Variants in MBD5 observed in about 807,000 individuals in gnomAD.
MBD5 encodes methyl-CpG-binding domain protein 5.
A neutral mutation model predicts 117.3 loss-of-function variants in MBD5; 13 were observed. The ratio of observed to expected loss-of-function variants is 0.11; its 90% CI spans 0.07 to 0.18. The LOEUF is 0.18. Among genes scored for constraint, MBD5 ranks in the 10% least tolerant of loss-of-function variants. MBD5 has a pLI of 1.00. For missense variants in MBD5, 1,879 were observed against 2,093.8 expected (o/e 0.90, Z 2.00); for synonymous variants, 727 against 766.4 (o/e 0.95, Z 0.85).
At chr2:148,033,610 C>A (rs1239912988) in intron 1 of MBD5, among the ~76,000 whole-genome samples, 1 of 152,042 alleles carries the variant, frequency 6.6e-6, no homozygotes, top group Non-Finnish European at 1.5e-5. Context: ...GATTAAGCAA[C>A]TTTTATTAAG....
At chr2:148,315,578 C>T (rs1471513864) in intron 3 of MBD5, among the ~76,000 whole-genome samples, 1 of 152,144 alleles carries the variant, frequency 6.6e-6, no homozygotes, top group Non-Finnish European at 1.5e-5. Flanking sequence ...ATACAGAATA[C>T]ATTTTAGGTG....
chr2:148,056,445 T>A (rs570385362), intron 1 of MBD5, among the ~76,000 whole-genome samples: 2 of 152,234 alleles, frequency 1.3e-5, no homozygotes, highest in Admixed American at 1.3e-4. Flanking sequence ...CTTTAATTAT[T>A]ACTCTTTTTT....
intron 1 of MBD5, among the ~76,000 whole-genome samples, chr2:148,032,254 CGGAACTTATATCTAAAGATA>C (rs1478199957): frequency 1.3e-5 from 2 of 151,914 alleles, no homozygotes; most frequent in Admixed American, 1.3e-4. Flanking sequence ...CTTGATCTCC[CGGAACTTATATCTAAAGATA>C]GAAAAGGATA....
In MBD5 at chr2:148,468,810, T is replaced by C. The variant is rs1680681352; in HGVS notation, c.867T>C (p.Cys289=). 6.2e-7 allele frequency: 1 copy of C among 1,613,892 alleles called. No individual in the cohort carries two copies. Among genetic ancestry groups the C allele is most frequent in the Non-Finnish European group, 8.5e-7 (1 of 1,179,858 alleles). Residue 289 remains cysteine (C), a synonymous_variant, in exon 8 of 14, where the codon TGT becomes TGC. Transcript: ENST00000642680. ...ATGGTTCTCCTGTACAGTCATCCTG[T>C]GCAATGGCTGGAAGGACTAATATAC... ...MLHGSPVQSS[C]AMAGRTNIPL... is the part of the protein sequence containing the mutation.
chr2:148,159,078 C>T (rs764146038), intron 1 of MBD5, among the ~76,000 whole-genome samples: 7 of 152,150 alleles, frequency 4.6e-5, no homozygotes, highest in Non-Finnish European at 8.8e-5. Flanking sequence ...TGCTTTTCTA[C>T]CTACTTTACA....
Position 148,490,103 on chromosome 2 carries a change from A to G in MBD5, c.4471A>G (p.Lys1491Glu), listed in dbSNP as rs1258991767. 1.9e-6 allele frequency: 3 copies of G among 1,614,042 alleles called. No individual in the cohort carries two copies. Among genetic ancestry groups the G allele is most frequent in the Non-Finnish European group, 2.5e-6 (3 of 1,180,048 alleles). ...LLPPRNCPGD[K>E]ILEENFRYNN... ...ACCACCAAGAAACTGTCCAGGGGAT[A>G]AAATTCTAGAGGAAAATTTCAGGTA... The change falls in exon 11 of 14, where the codon AAA becomes GAA. Residue 1491 changes from lysine to glutamate, a missense_variant. Physicochemically the swap from Lys to Glu is moderately conservative, Grantham distance 56 (BLOSUM62 1). Coordinates refer to ENST00000642680, the MANE Select transcript of MBD5 (RefSeq NM_001378120.1).
rs146889008 is a variant in MBD5 at position 148,457,296 on chromosome 2, T to C, written c.-556-907T>C. On this transcript the variant is annotated intron_variant, in intron 4 of 13. Transcript: ENST00000642680. ...CATTCATTCAACACTAGGATAATTGTTTTTTACGCATTCTTTAGTGTAGTT... is the reference window on the plus strand; with the variant it reads ...CATTCATTCAACACTAGGATAATTGCTTTTTACGCATTCTTTAGTGTAGTT... Among the ~76,000 whole-genome samples the C allele has an allele frequency of 8.1e-3, 1,237 of 152,244 alleles. 3 individuals are homozygous for C. The highest frequency in any genetic ancestry group is 0.012 in the Non-Finnish European group (833 of 67,996).
intron 13 of MBD5, 138 bp from the exon 14 acceptor site, chr2:148,512,732 T>G (rs1682255248): frequency 2.6e-6 from 2 of 774,210 alleles, no homozygotes; most frequent in African/African-American, 1.7e-5. Context: ...GGTAAACATT[T>G]GAAGTGCCTC....
chr2:148,458,007 A>G (rs1369973973), intron 4 of MBD5, among the ~76,000 whole-genome samples, 196 bp from the exon 5 acceptor site: 1 of 152,182 alleles, frequency 6.6e-6, no homozygotes, highest in African/African-American at 2.4e-5. Flanking sequence ...TATGCCGAAG[A>G]GCAAGTAGAT....
In MBD5 at chr2:148,102,482, C is replaced by T. The variant is rs143752488; in HGVS notation, c.-924-76218C>T. The stretch of plus-strand genomic sequence containing the variant: ...TAGCTTGTCTGTTACACAGCTGTGA[C>T]ATAGTGAGGTTACACAGTGGTGACA... On this transcript the variant is annotated intron_variant, in intron 1 of 13. Transcript: ENST00000642680. 4.9e-3 allele frequency among the ~76,000 whole-genome samples: 739 copies of T among 151,964 alleles called. 6 individuals are homozygous for T. Among genetic ancestry groups the T allele is most frequent in the African/African-American group, 0.016 (683 of 41,428 alleles).
At chr2:148,343,209 T>A (rs1702996281) in intron 4 of MBD5, among the ~76,000 whole-genome samples, 1 of 152,056 alleles carries the variant, frequency 6.6e-6, no homozygotes, top group African/African-American at 2.4e-5. Context: ...ATGGAATCTT[T>A]ACTATGAAGA....
intron 3 of MBD5, among the ~76,000 whole-genome samples, chr2:148,267,341 G>A (rs1700882187): frequency 6.6e-6 from 1 of 152,110 alleles, no homozygotes; most frequent in Admixed American, 6.6e-5. Flanking sequence ...GATGAAATGA[G>A]TACACTAATC....
chr2:148,365,977 GA>G (rs1703684814), intron 4 of MBD5, among the ~76,000 whole-genome samples: 1 of 152,114 alleles, frequency 6.6e-6, no homozygotes, highest in South Asian at 2.1e-4. Context: ...CTCATTTTAT[GA>G]GGCCAGCATC....
intron 1 of MBD5, among the ~76,000 whole-genome samples, chr2:148,083,515 CTTTA>C (rs1695700388): frequency 6.6e-6 from 1 of 152,034 alleles, no homozygotes; most frequent in Non-Finnish European, 1.5e-5. Flanking sequence ...ATTATTTTAA[CTTTA>C]TGCTATTAAC....
chr2:148,152,768 CT>C (rs1443657983), intron 1 of MBD5, among the ~76,000 whole-genome samples: 1 of 150,566 alleles, frequency 6.6e-6, no homozygotes, highest in East Asian at 1.9e-4. Context: ...CAACCCCTGC[CT>C]TTTTTTGTTT....
chr2:148,342,875 G>T (rs985349872), intron 4 of MBD5, among the ~76,000 whole-genome samples: 1 of 151,948 alleles, frequency 6.6e-6, no homozygotes, highest in South Asian at 2.1e-4. Context: ...TCCTCATGCA[G>T]GTACTGAGCA....
At chr2:148,108,396 G>C (rs1040897164) in intron 1 of MBD5, among the ~76,000 whole-genome samples, 1 of 152,034 alleles carries the variant, frequency 6.6e-6, no homozygotes, top group Non-Finnish European at 1.5e-5. Context: ...CACTGAAAAT[G>C]CGGTAAGCTC....
chr2:148,396,981 G>A (rs777550038), intron 4 of MBD5, among the ~76,000 whole-genome samples: 25 of 152,114 alleles, frequency 1.6e-4, no homozygotes, highest in Non-Finnish European at 2.8e-4. Flanking sequence ...TAACATATGA[G>A]TTATAACTTA....
intron 1 of MBD5, among the ~76,000 whole-genome samples, chr2:148,146,830 C>G (rs530524863): frequency 6.6e-6 from 1 of 152,212 alleles, no homozygotes; most frequent in Admixed American, 6.5e-5. Context: ...ATTAACCTGT[C>G]ATTAGTTCAT....
Sources: gnomAD v4.1 joint callset for allele counts (sites outside exome capture counted in the v4.1 genomes callset) on GRCh38, gnomAD v4.1.1 for gene constraint, MANE v1.5 for transcripts, NCBI Gene and HGNC (gene_info 2026-07-23, HGNC 2026-07-21) for gene names.